The following SIMC1 variants were observed in gnomAD, a reference collection of about 807,000 sequenced individuals.
SIMC1 encodes the protein SUMO interacting motifs containing 1.
Under a neutral mutation model 82.3 loss-of-function variants are expected in SIMC1, and 55 were observed. The observed-to-expected ratio is 0.67, with a 90% CI of 0.54 to 0.84. The LOEUF (loss-of-function observed/expected upper bound fraction) is 0.84, where lower values mean the gene tolerates loss of function less well. Among genes scored for constraint, SIMC1 ranks in the 40% least tolerant of loss-of-function variants. The pLI, the probability that SIMC1 is intolerant of heterozygous loss-of-function variation, is 0.00. For synonymous variants in SIMC1, 353 were observed against 426.3 expected (o/e 0.83, Z 2.12); for missense variants, 915 against 1,107.2 (o/e 0.83, Z 2.46).
intron 7 of SIMC1, among the ~76,000 whole-genome samples, chr5:176,329,737 A>G (rs1765552928): frequency 6.6e-6 from 1 of 152,210 alleles, no homozygotes; most frequent in Non-Finnish European, 1.5e-5. Flanking sequence ...ATACAATTCA[A>G]AAACGATTTT....
At chr5:176,257,200 G>C (rs1050112793) in intron 1 of SIMC1, among the ~76,000 whole-genome samples, 2 of 152,106 alleles carry the variant, frequency 1.3e-5, no homozygotes, top group African/African-American at 4.8e-5. Context: ...TCATAAAGCA[G>C]TATATGTGTT....
At chr5:176,324,321 A>C (rs372743464) in intron 6 of SIMC1, among the ~76,000 whole-genome samples, 1 of 152,180 alleles carries the variant, frequency 6.6e-6, no homozygotes, top group African/African-American at 2.4e-5. Context: ...GATGATCCTT[A>C]TAGTTCCCTA....
Position 176,270,071 on chromosome 5 carries a change from T to A in SIMC1, c.130-19583T>A, listed in dbSNP as rs567718190. Among the ~76,000 whole-genome samples the A allele has an allele frequency of 2.5e-3, 378 of 151,484 alleles. 3 individuals carry two copies. The highest frequency in any genetic ancestry group is 8.7e-3 in the African/African-American group (357 of 41,230). On this transcript the variant is annotated intron_variant, in intron 1 of 9. Coordinates refer to ENST00000429602, the MANE Select transcript of SIMC1 (RefSeq NM_001308195.2). ...TGTGCCCAGGATAAATATGCAAAAA[T>A]TCTTAACAAAATATCGATTCACTGA...
chr5:176,286,684 A>G (rs1234059890), intron 1 of SIMC1, among the ~76,000 whole-genome samples: 1 of 152,272 alleles, frequency 6.6e-6, no homozygotes, highest in Non-Finnish European at 1.5e-5. Context: ...CTACCATCAG[A>G]GTGAACAGGC....
intron 5 of SIMC1, among the ~76,000 whole-genome samples, chr5:176,317,661 G>A (rs548563971): frequency 1.3e-5 from 2 of 152,198 alleles, no homozygotes; most frequent in South Asian, 2.1e-4. Flanking sequence ...CTATGACTAT[G>A]TGTGCTAGTC....
chr5:176,283,620 T>C (rs940661506), intron 1 of SIMC1, among the ~76,000 whole-genome samples: 11 of 152,144 alleles, frequency 7.2e-5, no homozygotes, highest in African/African-American at 2.2e-4. Context: ...CATCAACTAA[T>C]GAGCAAACTA....
At chr5:176,313,926 A>G in intron 5 of SIMC1, 81 bp downstream of exon 5, 1 of 1,575,544 alleles carries the variant, frequency 6.3e-7, no homozygotes. Context: ...AATATCAGCC[A>G]GGTGAGGTTT....
At chr5:176,338,084 G>A (rs1017472806) in intron 9 of SIMC1, among the ~76,000 whole-genome samples, 2 of 152,190 alleles carry the variant, frequency 1.3e-5, no homozygotes. Context: ...GTGATTGACG[G>A]AGAAGGATGC....
intron 1 of SIMC1, among the ~76,000 whole-genome samples, chr5:176,286,301 G>T (rs1326497886): frequency 6.6e-6 from 1 of 152,206 alleles, no homozygotes; most frequent in African/African-American, 2.4e-5. Context: ...ATAGAGCAAT[G>T]GAACAGAACA....
chr5:176,306,387 C>T lies in SIMC1; in HGVS notation c.1735-7304C>T, dbSNP rs533822875. Reference sequence around the variant, plus strand: ...CTGGGAAGTGAGGAGCCCCTCTGCCCGACCACCACCCCGTCTGGGAGGTGT... The same window carrying T: ...CTGGGAAGTGAGGAGCCCCTCTGCCTGACCACCACCCCGTCTGGGAGGTGT... On this transcript the variant is annotated intron_variant, in intron 4 of 9. Coordinates refer to ENST00000429602, the MANE Select transcript of SIMC1 (RefSeq NM_001308195.2). Among the ~76,000 whole-genome samples, 312 of 121,472 alleles carry T rather than the reference C, an allele frequency of 2.6e-3. 19 individuals carry two copies. Among genetic ancestry groups the T allele is most frequent in the African/African-American group, 6.7e-3 (263 of 39,266 alleles). 79.7% of individuals were successfully genotyped at this position (121,472 alleles called of 152,430 possible).
intron 1 of SIMC1, among the ~76,000 whole-genome samples, chr5:176,252,272 T>A (rs894168654): frequency 1.4e-4 from 20 of 147,840 alleles, no homozygotes; most frequent in Middle Eastern, 3.6e-3. Flanking sequence ...GCTGACCCCC[T>A]CACCTCCGTC....
chr5:176,308,599 A>C lies in SIMC1; in HGVS notation c.1735-5092A>C, dbSNP rs1192208904. On this transcript the variant is annotated intron_variant, in intron 4 of 9. Transcript: ENST00000429602. ...ACTTGCTTCCAATCCATACAGGCCC[A>C]AAAGAGTTCAGAGTCCCTTCATGGT... 3 of 1,583,948 alleles carry C rather than the reference A, an allele frequency of 1.9e-6. No individual in the cohort carries two copies. In the African/African-American group the frequency reaches 4.0e-5, roughly 21 times the overall value.
intron 4 of SIMC1, chr5:176,313,433 A>T (rs1028941184): frequency 3.8e-5 from 59 of 1,548,936 alleles, no homozygotes; most frequent in Non-Finnish European, 5.1e-5. Flanking sequence ...AGATGCCTAG[A>T]TCCTTTGAAC....
intron 4 of SIMC1, among the ~76,000 whole-genome samples, chr5:176,311,142 T>A (rs1215870383): frequency 6.6e-6 from 1 of 152,190 alleles, no homozygotes; most frequent in Non-Finnish European, 1.5e-5. Context: ...AAAAAGTAGA[T>A]TATGGTAATG....
At chr5:176,307,248 G>A (rs1186146886) in intron 4 of SIMC1, among the ~76,000 whole-genome samples, 1 of 152,172 alleles carries the variant, frequency 6.6e-6, no homozygotes, top group Non-Finnish European at 1.5e-5. Flanking sequence ...GTGAGGGAGT[G>A]TGAAATGGGA....
intron 1 of SIMC1, among the ~76,000 whole-genome samples, chr5:176,243,208 C>G (rs891575354): frequency 2.6e-4 from 39 of 152,052 alleles, no homozygotes; most frequent in Non-Finnish European, 4.6e-4. Flanking sequence ...CAGAGAAGGC[C>G]TCTCTGAAGA....
intron 9 of SIMC1, among the ~76,000 whole-genome samples, chr5:176,343,335 T>C (rs1363915179): frequency 1.3e-5 from 2 of 152,320 alleles, no homozygotes; most frequent in African/African-American, 4.8e-5. Flanking sequence ...TGAGAAATGA[T>C]GGTGTACTTA....
chr5:176,257,150 T>G (rs1761873513), intron 1 of SIMC1, among the ~76,000 whole-genome samples: 1 of 152,226 alleles, frequency 6.6e-6, no homozygotes, highest in Non-Finnish European at 1.5e-5. Flanking sequence ...AGCATAACTT[T>G]CCTGTTTTAT....
chr5:176,307,562 G>A (rs990991137), intron 4 of SIMC1, among the ~76,000 whole-genome samples: 4 of 151,982 alleles, frequency 2.6e-5, no homozygotes, highest in African/African-American at 7.2e-5. Flanking sequence ...CACCACGCCC[G>A]GCTAATTTTT....
Sources: allele counts gnomAD v4.1 joint callset (sites outside exome capture counted in the v4.1 genomes callset), GRCh38; gene constraint gnomAD v4.1.1; transcripts MANE v1.5; gene names NCBI Gene and HGNC (gene_info 2026-07-23, HGNC 2026-07-21).